The following NKAIN2 variants were observed in gnomAD, a reference collection of about 807,000 sequenced individuals.
NKAIN2 encodes sodium/potassium transporting ATPase interacting 2, also known as sodium/potassium-transporting ATPase subunit beta-1-interacting protein 2.
In NKAIN2, 14 loss-of-function variants were observed where a neutral mutation model predicts 32.6. That is an observed-to-expected ratio of 0.43 (90% CI 0.28 to 0.67). The LOEUF is 0.67. NKAIN2 is among the 30% of genes least tolerant of loss of function. NKAIN2 has a pLI of 0.17. For synonymous variants in NKAIN2, 80 were observed against 87.2 expected (o/e 0.92, Z 0.46); for missense variants, 198 against 258.3 (o/e 0.77, Z 1.60).
intron 5 of NKAIN2, among the ~76,000 whole-genome samples, chr6:124,808,986 T>C (rs1236106660): frequency 1.3e-5 from 2 of 152,012 alleles, no homozygotes; most frequent in Non-Finnish European, 2.9e-5. Context: ...TTAAAGAGGA[T>C]ACAAACAAAT....
In NKAIN2 at chr6:124,530,107, C is replaced by A. The variant is rs1436792091; in HGVS notation, c.274-128079C>A. The stretch of plus-strand genomic sequence containing the variant: ...AGGATATACACAGTTGACCCTTGAA[C>A]AATGCAGGGGCCCTGCACTGTCAAA... On this transcript the variant is annotated intron_variant, in intron 3 of 6. Coordinates refer to ENST00000368417, the MANE Select transcript of NKAIN2 (RefSeq NM_001040214.3). Among the ~76,000 whole-genome samples the A allele has an allele frequency of 3.9e-5, 6 of 152,192 alleles. No homozygotes were observed. The East Asian group carries it at 1.2e-3, about 29-fold the overall frequency.
intron 2 of NKAIN2, among the ~76,000 whole-genome samples, chr6:124,336,964 C>T (rs1200808842): frequency 6.6e-6 from 1 of 152,044 alleles, no homozygotes; most frequent in Non-Finnish European, 1.5e-5. Context: ...AGCCACAGCA[C>T]CTGGCCTGTT....
chr6:124,082,137 G>T (rs1250138209), intron 1 of NKAIN2, among the ~76,000 whole-genome samples: 1 of 152,082 alleles, frequency 6.6e-6, no homozygotes, highest in Non-Finnish European at 1.5e-5. Flanking sequence ...CCATAGCATG[G>T]TGGTGGGCAA....
Position 124,443,496 on chromosome 6 carries a change from T to G in NKAIN2, c.273+88149T>G, listed in dbSNP as rs542464932. ...CCATGTCTGGTATAATGGTTGCAATTAGAGATAACACTTGTTTGTTTGAGT... is the reference window on the plus strand; with the variant it reads ...CCATGTCTGGTATAATGGTTGCAATGAGAGATAACACTTGTTTGTTTGAGT... On this transcript the variant is annotated intron_variant, in intron 3 of 6. Coordinates refer to ENST00000368417, the MANE Select transcript of NKAIN2 (RefSeq NM_001040214.3). 2.8e-4 allele frequency among the ~76,000 whole-genome samples: 42 copies of G among 152,208 alleles called. No individual in the cohort carries two copies. In the South Asian group the frequency reaches 8.5e-3, roughly 31 times the overall value.
intron 4 of NKAIN2, among the ~76,000 whole-genome samples, chr6:124,698,557 G>T (rs1294471007): frequency 2.0e-5 from 3 of 152,120 alleles, no homozygotes; most frequent in Non-Finnish European, 2.9e-5. Context: ...GCATAAGTAG[G>T]CAGGCAGTGT....
intron 1 of NKAIN2, among the ~76,000 whole-genome samples, chr6:124,166,359 G>A (rs866197432): frequency 3.3e-5 from 5 of 151,982 alleles, no homozygotes; most frequent in Middle Eastern, 3.4e-3. Flanking sequence ...CTTGTTGATG[G>A]GGTTGTTTGT....
At chr6:124,221,256 G>A (rs1240162650) in intron 1 of NKAIN2, among the ~76,000 whole-genome samples, 1 of 151,942 alleles carries the variant, frequency 6.6e-6, no homozygotes. Context: ...GTACTTTGTA[G>A]GGACATGGAT....
chr6:124,566,798 T>A (rs1168654459), intron 3 of NKAIN2, among the ~76,000 whole-genome samples: 1 of 152,068 alleles, frequency 6.6e-6, no homozygotes. Flanking sequence ...CTTAATTTAG[T>A]ATTTCACACA....
chr6:124,772,942 C>A (rs1778827264), intron 4 of NKAIN2, among the ~76,000 whole-genome samples: 1 of 152,104 alleles, frequency 6.6e-6, no homozygotes, highest in Non-Finnish European at 1.5e-5. Flanking sequence ...AACAAACAAG[C>A]ACACATATCC....
intron 3 of NKAIN2, among the ~76,000 whole-genome samples, chr6:124,375,992 G>C (rs980233739): frequency 2.0e-5 from 3 of 152,082 alleles, no homozygotes; most frequent in Non-Finnish European, 4.4e-5. Context: ...AGTATGAATA[G>C]AGAATGTAAA....
At chr6:124,539,537 G>A (rs1225612292) in intron 3 of NKAIN2, among the ~76,000 whole-genome samples, 1 of 151,450 alleles carries the variant, frequency 6.6e-6, no homozygotes, top group Non-Finnish European at 1.5e-5. Flanking sequence ...AATAAATTCA[G>A]ACAATGTTTG....
chr6:124,254,960 T>C (rs892855944), intron 1 of NKAIN2, among the ~76,000 whole-genome samples: 1 of 152,180 alleles, frequency 6.6e-6, no homozygotes, highest in Non-Finnish European at 1.5e-5. Flanking sequence ...ACTGCTTTAG[T>C]CTTCACCCTG....
At chr6:124,145,076 G>A (rs1313913663) in intron 1 of NKAIN2, among the ~76,000 whole-genome samples, 1 of 152,076 alleles carries the variant, frequency 6.6e-6, no homozygotes, top group Non-Finnish European at 1.5e-5. Flanking sequence ...ACTATAATCA[G>A]ATATCACTAC....
In NKAIN2 at chr6:124,190,692, A is replaced by G. The variant is rs1789971183; in HGVS notation, c.55-92313A>G. Among the ~76,000 whole-genome samples, 4 of 152,300 alleles carry G rather than the reference A, an allele frequency of 2.6e-5. No homozygotes were observed. In the South Asian group the frequency reaches 6.2e-4, roughly 24 times the overall value. On this transcript the variant is annotated intron_variant, in intron 1 of 6. Coordinates refer to ENST00000368417, the MANE Select transcript of NKAIN2 (RefSeq NM_001040214.3). ...AGTAAGTGATTCAGTGTAAAATTCA[A>G]CCAGAAAATATCCATCTTCTAAGAT...
intron 3 of NKAIN2, among the ~76,000 whole-genome samples, chr6:124,436,941 C>T (rs1775473197): frequency 6.6e-6 from 1 of 152,146 alleles, no homozygotes; most frequent in Admixed American, 6.6e-5. Flanking sequence ...TATCACCTCT[C>T]TTCGCTCTGC....
chr6:124,043,132 C>T (rs897898145), intron 1 of NKAIN2, among the ~76,000 whole-genome samples: 3 of 152,000 alleles, frequency 2.0e-5, no homozygotes, highest in East Asian at 1.9e-4. Context: ...CCGAGGTGGG[C>T]GGATCATTTG....
chr6:124,414,148 T>C (rs887362266), intron 3 of NKAIN2, among the ~76,000 whole-genome samples: 5 of 152,152 alleles, frequency 3.3e-5, no homozygotes, highest in African/African-American at 1.2e-4. Context: ...TACCATTAAA[T>C]AGAATGTTAG....
chr6:124,500,665 C>CAAAT (rs748045761), intron 3 of NKAIN2, among the ~76,000 whole-genome samples: 27 of 150,964 alleles, frequency 1.8e-4, no homozygotes, highest in South Asian at 1.0e-3. Flanking sequence ...ATCAATCAAT[C>CAAAT]AAATAAATAA....
At chr6:124,395,142 A>G (rs1773322461) in intron 3 of NKAIN2, among the ~76,000 whole-genome samples, 2 of 152,188 alleles carry the variant, frequency 1.3e-5, no homozygotes, top group South Asian at 4.1e-4. Context: ...AGTAATTGAA[A>G]TAAATCTTCT....
Sources: gnomAD v4.1 joint callset for allele counts (sites outside exome capture counted in the v4.1 genomes callset) on GRCh38, gnomAD v4.1.1 for gene constraint, MANE v1.5 for transcripts, NCBI Gene and HGNC (gene_info 2026-07-23, HGNC 2026-07-21) for gene names.